FNBP4: variants seen among roughly 807,000 people sequenced by gnomAD.
FNBP4 encodes the protein formin-binding protein 4.
A neutral mutation model predicts 119.3 loss-of-function variants in FNBP4; 34 were observed. That is an observed-to-expected ratio of 0.28 (90% CI 0.22 to 0.38). The LOEUF is 0.38. FNBP4 is among the 10% of genes least tolerant of loss of function. The pLI is 1.00. For missense variants in FNBP4, 1,112 were observed against 1,228.9 expected (o/e 0.90, Z 1.42); for synonymous variants, 462 against 430.6 (o/e 1.07, Z -0.90).
At chr11:47,748,603 G>A (rs934635510) in intron 6 of FNBP4, among the ~76,000 whole-genome samples, 1 of 151,572 alleles carries the variant, frequency 6.6e-6, no homozygotes, top group Non-Finnish European at 1.5e-5. Context: ...TAGAACTCCT[G>A]CACTCAAGCC....
chr11:47,756,568 A>C (rs2097618869), intron 2 of FNBP4, among the ~76,000 whole-genome samples: 1 of 151,942 alleles, frequency 6.6e-6, no homozygotes, highest in East Asian at 1.9e-4. Context: ...GTTATACTTT[A>C]AGTTCTAAGG....
chr11:47,731,557 G>C lies in FNBP4; in HGVS notation c.1825C>G (p.His609Asp). ...KGWSCHWDRD[H>D]RRYFYVNEQS... Reference sequence around the variant, plus strand: ...TCGTTTACATAGAAATACCGTCTATGATCCCTAAATTACAAGAAAGAAAAC... The same window carrying C: ...TCGTTTACATAGAAATACCGTCTATCATCCCTAAATTACAAGAAAGAAAAC... The change falls in exon 12 of 17, where the codon CAT (histidine) becomes GAT (aspartate). Residue 609 changes from histidine to aspartate, a missense_variant. By Grantham distance (81) the His-to-Asp change is moderately conservative. Coordinates refer to ENST00000263773, the MANE Select transcript of FNBP4 (RefSeq NM_015308.5). 6.3e-7 allele frequency: 1 copy of C among 1,599,946 alleles called. No individual in the cohort carries two copies. Among genetic ancestry groups the C allele is most frequent in the Non-Finnish European group, 8.5e-7 (1 of 1,176,176 alleles).
chr11:47,742,643 C>G (rs1260293393), intron 8 of FNBP4, among the ~76,000 whole-genome samples: 5 of 151,534 alleles, frequency 3.3e-5, no homozygotes, highest in Non-Finnish European at 5.9e-5. Context: ...ATCCCAGCAC[C>G]TTGCAAGGCT....
intron 2 of FNBP4, 37 bp downstream of exon 2, chr11:47,765,233 T>C (rs1246600109): frequency 7.2e-7 from 1 of 1,387,160 alleles, no homozygotes; most frequent in Admixed American, 1.9e-5. Flanking sequence ...ATGAAAGACG[T>C]GGGAGAAAAA....
chr11:47,762,477 G>A (rs1390689216), intron 2 of FNBP4, among the ~76,000 whole-genome samples: 4 of 151,878 alleles, frequency 2.6e-5, no homozygotes, highest in African/African-American at 9.7e-5. Context: ...CACCTAGACT[G>A]GGTTGCAGTG....
chr11:47,734,988 C>CCG (rs1554979769), intron 9 of FNBP4, among the ~76,000 whole-genome samples: 7 of 119,978 alleles, frequency 5.8e-5, no homozygotes, highest in African/African-American at 2.2e-4. Context: ...ACCCCCCCCC[C>CCG]CAAAAAAAAA....
In FNBP4 at chr11:47,738,592, C is replaced by A. The variant is rs181860342; in HGVS notation, c.1457-1852G>T. Among the ~76,000 whole-genome samples, 5 of 152,144 alleles carry A rather than the reference C, an allele frequency of 3.3e-5. No individual in the cohort carries two copies. In the East Asian group the frequency reaches 9.7e-4, roughly 29 times the overall value. On this transcript the variant is annotated intron_variant, in intron 8 of 16. Transcript: ENST00000263773. The stretch of plus-strand genomic sequence containing the variant: ...AAAATCATCATAATTTTTTAAAAAG[C>A]CAAAAATACCTCAAATGTGAAAACC...
At chr11:47,733,908 A>G (rs2097570485) in intron 10 of FNBP4, 117 bp downstream of exon 10, 2 of 515,626 alleles carry the variant, frequency 3.9e-6, no homozygotes, top group African/African-American at 2.0e-5. Flanking sequence ...AATATTCTTC[A>G]AGGTTAAAAA....
intron 12 of FNBP4, chr11:47,725,841 A>C: frequency 1.1e-6 from 1 of 950,304 alleles, no homozygotes; most frequent in South Asian, 4.9e-5. Context: ...TTCTCCCTAA[A>C]ATCATAGAAT....
chr11:47,724,855 G>C (rs2097559320), intron 12 of FNBP4, 77 bp from the exon 13 acceptor site: 1 of 1,496,164 alleles, frequency 6.7e-7, no homozygotes, highest in African/African-American at 1.4e-5. Context: ...TGTTCAACTG[G>C]TCAGTAAGAT....
At chr11:47,737,638 C>G (rs1375801294) in intron 8 of FNBP4, among the ~76,000 whole-genome samples, 1 of 151,962 alleles carries the variant, frequency 6.6e-6, no homozygotes, top group South Asian at 2.1e-4. Flanking sequence ...TGGGGTTTCA[C>G]CATGTTGCCC....
intron 2 of FNBP4, among the ~76,000 whole-genome samples, chr11:47,763,905 A>G (rs937852640): frequency 1.3e-5 from 2 of 152,150 alleles, no homozygotes; most frequent in African/African-American, 4.8e-5. Context: ...TTTGTATATC[A>G]GCTACCTATA....
chr11:47,717,664 T>C (rs2097551232), intron 16 of FNBP4, 152 bp from the exon 17 acceptor site: 3 of 640,868 alleles, frequency 4.7e-6, no homozygotes, highest in South Asian at 2.0e-5. Flanking sequence ...AACATCAGTA[T>C]ATTCTTCATC....
chr11:47,738,038 C>T (rs75334064), intron 8 of FNBP4, among the ~76,000 whole-genome samples: 18,686 of 152,068 alleles, frequency 0.12, 1,674 homozygotes, highest in East Asian at 0.3. Flanking sequence ...CCACCACGCC[C>T]GGCATGCATC....
At chr11:47,750,499 C>T (rs758183579) in intron 6 of FNBP4, among the ~76,000 whole-genome samples, 1 of 149,006 alleles carries the variant, frequency 6.7e-6, no homozygotes, top group Non-Finnish European at 1.5e-5. Context: ...ACCATCCTGG[C>T]TAACACAGTG....
At chr11:47,762,451 C>G (rs2097637643) in intron 2 of FNBP4, among the ~76,000 whole-genome samples, 2 of 151,896 alleles carry the variant, frequency 1.3e-5, no homozygotes, top group African/African-American at 2.4e-5. Context: ...ATTTTTGACA[C>G]AGGGTCTCAT....
At chr11:47,721,227 G>A (rs2097555321) in intron 15 of FNBP4, among the ~76,000 whole-genome samples, 1 of 151,330 alleles carries the variant, frequency 6.6e-6, no homozygotes, top group Non-Finnish European at 1.5e-5. Context: ...ACTTCAGCCT[G>A]GGCGACAGAG....
At chr11:47,728,082 G>A (rs1246480806) in intron 12 of FNBP4, among the ~76,000 whole-genome samples, 2 of 151,690 alleles carry the variant, frequency 1.3e-5, no homozygotes, top group Non-Finnish European at 2.9e-5. Flanking sequence ...CTACATATTG[G>A]GTAAGCTGCT....
At position 47,767,135 on chromosome 11, in the gene FNBP4, A is replaced by G. The variant is rs747642914; in HGVS notation, c.154T>C (p.Ser52Pro). 87 of 1,543,120 alleles carry G rather than the reference A, an allele frequency of 5.6e-5. No individual in the cohort carries two copies. Among genetic ancestry groups the G allele is most frequent in the Non-Finnish European group, 7.2e-5 (83 of 1,150,050 alleles). ...TAAVPSQPAPSAATTTTTAVT... is the reference protein window; with the variant it reads ...TAAVPSQPAPPAATTTTTAVT... Reference sequence around the variant, plus strand: ...GCGGTGGTGGTGGTCGTCGCCGCCGACGGGGCGGGCTGGCTGGGGACCGCC... The same window carrying G: ...GCGGTGGTGGTGGTCGTCGCCGCCGGCGGGGCGGGCTGGCTGGGGACCGCC... Residue 52 changes from serine (S) to proline (P), a missense_variant, in exon 1 of 17, where the codon TCG becomes CCG. Physicochemically the swap from Ser to Pro is moderately conservative, Grantham distance 74. Coordinates refer to ENST00000263773, the MANE Select transcript of FNBP4 (RefSeq NM_015308.5).
Sources: allele counts gnomAD v4.1 joint callset (sites outside exome capture counted in the v4.1 genomes callset), GRCh38; gene constraint gnomAD v4.1.1; transcripts MANE v1.5; gene names NCBI Gene and HGNC (gene_info 2026-07-23, HGNC 2026-07-21).